The following MAD1L1 variants were observed in gnomAD, a reference collection of about 807,000 sequenced individuals.
MAD1L1 encodes the protein mitotic arrest deficient 1 like 1, also known as mitotic spindle assembly checkpoint protein MAD1.
Under a neutral mutation model 96.9 loss-of-function variants are expected in MAD1L1, and 95 were observed. The ratio of observed to expected loss-of-function variants is 0.98; its 90% CI spans 0.83 to 1.16. The LOEUF is 1.16. MAD1L1 is among the 50% of genes most tolerant of loss of function. MAD1L1 has a pLI of 0.00. For missense variants in MAD1L1, 1,007 were observed against 954.4 expected (o/e 1.06, Z -0.73); for synonymous variants, 473 against 396.6 (o/e 1.19, Z -2.29).
intron 14 of MAD1L1, among the ~76,000 whole-genome samples, chr7:1,989,618 G>A (rs989701988): frequency 6.6e-6 from 1 of 152,178 alleles, no homozygotes; most frequent in Admixed American, 6.5e-5. Context: ...GAGCACAGAC[G>A]TCCCGGCAGC....
At chr7:1,871,706 C>G (rs1583614614) in intron 18 of MAD1L1, among the ~76,000 whole-genome samples, 1 of 147,830 alleles carries the variant, frequency 6.8e-6, no homozygotes, top group African/African-American at 2.5e-5. Context: ...ACCTGCCACG[C>G]TGAAGCCAAC....
Position 2,106,578 on chromosome 7 carries a change from G to C in MAD1L1, c.1074-37240C>G, listed in dbSNP as rs374118407. On this transcript the variant is annotated intron_variant, in intron 11 of 18. Coordinates refer to ENST00000265854, the MANE Select transcript of MAD1L1 (RefSeq NM_001013836.2). ...GGTGGGGGGAGAAGGCAGGCCAGGG[G>C]CACAAATCCCTCCTAGGAGACCGCC... is the stretch of plus-strand genomic sequence containing the variant. 7.9e-5 allele frequency among the ~76,000 whole-genome samples: 12 copies of C among 152,298 alleles called. No individual in the cohort carries two copies. The East Asian group carries it at 9.7e-4, about 12-fold the overall frequency.
chr7:2,108,103 C>T (rs1415812273), intron 11 of MAD1L1, among the ~76,000 whole-genome samples: 20 of 152,002 alleles, frequency 1.3e-4, no homozygotes, highest in Admixed American at 1.1e-3. Context: ...ATACAAGGAG[C>T]ACTAAAGATT....
At chr7:1,908,562 T>A (rs1258772204) in intron 17 of MAD1L1, among the ~76,000 whole-genome samples, 1 of 152,132 alleles carries the variant, frequency 6.6e-6, no homozygotes, top group African/African-American at 2.4e-5. Flanking sequence ...TATATATTTT[T>A]AGGGTCTTTC....
At chr7:2,183,421 G>C (rs1216972838) in intron 10 of MAD1L1, among the ~76,000 whole-genome samples, 3 of 152,100 alleles carry the variant, frequency 2.0e-5, no homozygotes, top group Non-Finnish European at 2.9e-5. Context: ...AAAAGACTAA[G>C]AACAGACACT....
At chr7:2,203,252 AT>A (rs1036964067) in intron 10 of MAD1L1, among the ~76,000 whole-genome samples, 13 of 152,156 alleles carry the variant, frequency 8.5e-5, no homozygotes, top group African/African-American at 2.7e-4. Flanking sequence ...CTCCCTTCCT[AT>A]TTCATAGGGT....
intron 11 of MAD1L1, among the ~76,000 whole-genome samples, chr7:2,126,313 A>C (rs1788228606): frequency 1.3e-5 from 2 of 152,144 alleles, no homozygotes; most frequent in African/African-American, 2.4e-5. Flanking sequence ...CTAGAAGGGG[A>C]TGGTAACAAG....
chr7:1,854,664 C>T lies in MAD1L1; in HGVS notation c.1999-38436G>A, dbSNP rs143989854. ...GGATTCGGTTTCCACGTGGGAACTG[C>T]GGGACACAAACCTCGGTCCCCAGCA... On this transcript the variant is annotated intron_variant, in intron 18 of 18. Transcript: ENST00000265854. 3.3e-4 allele frequency among the ~76,000 whole-genome samples: 51 copies of T among 152,256 alleles called. No individual in the cohort carries two copies. In the East Asian group the frequency reaches 5.4e-3, roughly 16 times the overall value.
rs551687644 is a variant in MAD1L1 at position 1,837,876 on chromosome 7, T to C, written c.1999-21648A>G. Among the ~76,000 whole-genome samples the C allele has an allele frequency of 2.7e-3, 417 of 152,276 alleles. 3 individuals carry two copies. Among genetic ancestry groups the C allele is most frequent in the South Asian group, 3.5e-3 (17 of 4,822 alleles). Reference sequence around the variant, plus strand: ...GGCCTCACGGGTGCGTGTATACAGATGGTAGCTCATCAATAACGCAGACTC... The same window carrying C: ...GGCCTCACGGGTGCGTGTATACAGACGGTAGCTCATCAATAACGCAGACTC... On this transcript the variant is annotated intron_variant, in intron 18 of 18. Transcript: ENST00000265854.
chr7:2,034,250 G>A (rs1014913216), intron 12 of MAD1L1, among the ~76,000 whole-genome samples: 3 of 146,800 alleles, frequency 2.0e-5, no homozygotes, highest in Non-Finnish European at 3.0e-5. Flanking sequence ...ACGGAGTCTC[G>A]CTGTCGCCCA....
At chr7:2,069,590 T>C (rs2128529506) in intron 11 of MAD1L1, among the ~76,000 whole-genome samples, 1 of 152,104 alleles carries the variant, frequency 6.6e-6, no homozygotes, top group South Asian at 2.1e-4. Flanking sequence ...CCACACACAA[T>C]GGGAAAAATT....
chr7:2,097,983 G>A (rs1435002444), intron 11 of MAD1L1, among the ~76,000 whole-genome samples: 4 of 152,178 alleles, frequency 2.6e-5, no homozygotes, highest in Admixed American at 6.5e-5. Flanking sequence ...GCGCGGTGTC[G>A]CACTGGATCA....
intron 13 of MAD1L1, among the ~76,000 whole-genome samples, chr7:2,011,726 G>C (rs1358007052): frequency 6.6e-6 from 1 of 152,216 alleles, no homozygotes; most frequent in Non-Finnish European, 1.5e-5. Flanking sequence ...ACCCCAGAGG[G>C]CAGTGGCACC....
At chr7:2,049,405 C>T (rs768390322) in intron 12 of MAD1L1, among the ~76,000 whole-genome samples, 1 of 152,212 alleles carries the variant, frequency 6.6e-6, no homozygotes, top group African/African-American at 2.4e-5. Context: ...TCTGCTGACT[C>T]GGAGCCGACT....
At chr7:2,004,194 GGAC>G (rs1781928081) in intron 13 of MAD1L1, among the ~76,000 whole-genome samples, 1 of 152,176 alleles carries the variant, frequency 6.6e-6, no homozygotes, top group Non-Finnish European at 1.5e-5. Flanking sequence ...CAAACAGGGG[GGAC>G]GACAACAAGG....
chr7:2,185,081 C>G (rs1475851511), intron 10 of MAD1L1, among the ~76,000 whole-genome samples: 1 of 152,192 alleles, frequency 6.6e-6, no homozygotes, highest in African/African-American at 2.4e-5. Context: ...CAAAAGCACT[C>G]TGTTGTCCAA....
chr7:2,149,731 C>T lies in MAD1L1; in HGVS notation c.987-493G>A, dbSNP rs112823770. Reference sequence around the variant, plus strand: ...ATGCCCCAGCAACCCTGTTGTTCACCGTTTCCATTTTTTAAACGAGGAAAC... The same window carrying T: ...ATGCCCCAGCAACCCTGTTGTTCACTGTTTCCATTTTTTAAACGAGGAAAC... On this transcript the variant is annotated intron_variant, in intron 10 of 18. Coordinates refer to ENST00000265854, the MANE Select transcript of MAD1L1 (RefSeq NM_001013836.2). 7.1e-3 allele frequency among the ~76,000 whole-genome samples: 1,089 copies of T among 152,326 alleles called. 7 individuals are homozygous for T. Among genetic ancestry groups the T allele is most frequent in the Middle Eastern group, 0.02 (6 of 294 alleles).
intron 17 of MAD1L1, among the ~76,000 whole-genome samples, chr7:1,916,214 A>G (rs1788383985): frequency 6.6e-6 from 1 of 152,100 alleles, no homozygotes; most frequent in African/African-American, 2.4e-5. Flanking sequence ...CGCCTCGGAA[A>G]CCGTAAGGCA....
At chr7:1,904,831 G>A (rs1351542897) in intron 17 of MAD1L1, among the ~76,000 whole-genome samples, 1 of 124,544 alleles carries the variant, frequency 8.0e-6, no homozygotes, top group Non-Finnish European at 1.6e-5. Flanking sequence ...AGGCAAGCGA[G>A]GACGCAGTGG....
Sources: allele counts gnomAD v4.1 joint callset (sites outside exome capture counted in the v4.1 genomes callset), GRCh38; gene constraint gnomAD v4.1.1; transcripts MANE v1.5; gene names NCBI Gene and HGNC (gene_info 2026-07-23, HGNC 2026-07-21).